The following DNER variants were observed in gnomAD, a reference collection of about 807,000 sequenced individuals.
DNER encodes the protein delta/notch like EGF repeat containing, also known as delta and Notch-like epidermal growth factor-related receptor.
A neutral mutation model predicts 78.2 loss-of-function variants in DNER; 33 were observed. The ratio of observed to expected loss-of-function variants is 0.42; its 90% CI spans 0.32 to 0.56. The LOEUF is 0.56. Among genes scored for constraint, DNER ranks in the 20% least tolerant of loss-of-function variants. The probability of loss-of-function intolerance (pLI) is 0.11; values close to 1 mark genes in which losing one functional copy is unlikely to be tolerated. For synonymous variants in DNER, 417 were observed against 384.8 expected, an observed-to-expected ratio of 1.08 and a Z score of -0.98; for missense variants, 918 against 975.3, an observed-to-expected ratio of 0.94 and a Z score of 0.78.
chr2:229,380,937 AAAAAT>A (rs1015914864), intron 11 of DNER, among the ~76,000 whole-genome samples: 5 of 152,056 alleles, frequency 3.3e-5, no homozygotes, highest in Non-Finnish European at 7.4e-5. Context: ...ATAAAAATAA[AAAAAT>A]AAAATAAAAT....
intron 8 of DNER, among the ~76,000 whole-genome samples, 187 bp from the exon 9 acceptor site, chr2:229,418,417 G>A (rs112405356): frequency 1.1e-3 from 168 of 152,254 alleles, no homozygotes; most frequent in African/African-American, 3.6e-3. Flanking sequence ...TGAAGAAAGC[G>A]CCTGTTCTTA....
At chr2:229,395,059 A>C (rs2106339069) in intron 10 of DNER, among the ~76,000 whole-genome samples, 2 of 152,214 alleles carry the variant, frequency 1.3e-5, no homozygotes, top group Middle Eastern at 3.4e-3. Context: ...GAACCGTAAG[A>C]GTTATAAGCA....
chr2:229,669,369 C>CATATATATATATATATAT (rs58371383), intron 1 of DNER, among the ~76,000 whole-genome samples: 323 of 144,694 alleles, frequency 2.2e-3, no homozygotes, highest in East Asian at 5.1e-3. Flanking sequence ...TGTATACATA[C>CATATATATATATATATAT]ATATATATAT....
At chr2:229,554,170 C>T (rs1696802223) in intron 4 of DNER, among the ~76,000 whole-genome samples, 1 of 152,118 alleles carries the variant, frequency 6.6e-6, no homozygotes. Context: ...ACTTAATGTC[C>T]CAGGGAGCAT....
intron 1 of DNER, among the ~76,000 whole-genome samples, chr2:229,599,113 G>A (rs967207055): frequency 1.3e-5 from 2 of 152,054 alleles, no homozygotes; most frequent in Admixed American, 1.3e-4. Flanking sequence ...GGGAACCACT[G>A]TCATTATATG....
In DNER at chr2:229,647,834, C is replaced by T. The variant is rs191342447; in HGVS notation, c.277-55946G>A. On this transcript the variant is annotated intron_variant, in intron 1 of 12. Coordinates refer to ENST00000341772, the MANE Select transcript of DNER (RefSeq NM_139072.4). Reference sequence around the variant, plus strand: ...GTATAAAATTGTATATGTAAATATACTTGAAATCTATGACATATTTGCATA... The same window carrying T: ...GTATAAAATTGTATATGTAAATATATTTGAAATCTATGACATATTTGCATA... 4.5e-4 allele frequency among the ~76,000 whole-genome samples: 68 copies of T among 152,174 alleles called. No homozygotes were observed. In the East Asian group the frequency reaches 0.011, roughly 24 times the overall value.
At chr2:229,589,929 G>A (rs1697570842) in intron 2 of DNER, among the ~76,000 whole-genome samples, 1 of 151,438 alleles carries the variant, frequency 6.6e-6, no homozygotes, top group Admixed American at 6.6e-5. Flanking sequence ...AAAAAAGTGG[G>A]TCAACTGGTG....
At chr2:229,686,850 T>C (rs932177066) in intron 1 of DNER, among the ~76,000 whole-genome samples, 5 of 152,236 alleles carry the variant, frequency 3.3e-5, no homozygotes, top group Admixed American at 3.3e-4. Flanking sequence ...GAGGAGTCTT[T>C]TGTGGACTTA....
intron 8 of DNER, among the ~76,000 whole-genome samples, chr2:229,420,071 T>G (rs1159524574): frequency 7.9e-5 from 12 of 151,706 alleles, no homozygotes; most frequent in Non-Finnish European, 2.9e-5. Context: ...CAGCAAACTA[T>G]GGCCCACAGA....
intron 1 of DNER, among the ~76,000 whole-genome samples, chr2:229,650,072 C>T (rs1220322916): frequency 1.1e-5 from 1 of 93,166 alleles, no homozygotes; most frequent in South Asian, 3.5e-4. Flanking sequence ...AAGACTCCGT[C>T]AAAAAAAAAA....
intron 1 of DNER, among the ~76,000 whole-genome samples, chr2:229,684,438 T>A (rs1699450721): frequency 6.6e-6 from 1 of 152,074 alleles, no homozygotes; most frequent in Non-Finnish European, 1.5e-5. Context: ...CTCTTCTCAC[T>A]ATACATGCTC....
intron 5 of DNER, among the ~76,000 whole-genome samples, chr2:229,523,936 T>A (rs1259116754): frequency 6.6e-6 from 1 of 152,256 alleles, no homozygotes; most frequent in Non-Finnish European, 1.5e-5. Context: ...ATGATCATCT[T>A]CACTGTGAAT....
intron 10 of DNER, among the ~76,000 whole-genome samples, chr2:229,400,035 T>A (rs1320654071): frequency 6.6e-6 from 1 of 152,004 alleles, no homozygotes; most frequent in Non-Finnish European, 1.5e-5. Context: ...GTTCATAAAG[T>A]TGTTTTCCAC....
chr2:229,523,816 T>C (rs779131239), intron 5 of DNER, among the ~76,000 whole-genome samples: 7 of 152,246 alleles, frequency 4.6e-5, no homozygotes, highest in Non-Finnish European at 7.3e-5. Context: ...CCTTGAACAA[T>C]TGCTGTCTGA....
At chr2:229,393,471 C>T (rs879706685) in intron 10 of DNER, among the ~76,000 whole-genome samples, 10 of 151,670 alleles carry the variant, frequency 6.6e-5, no homozygotes, top group Non-Finnish European at 1.3e-4. Context: ...TTAGACACTG[C>T]AGAAGAAAAT....
Position 229,683,208 on chromosome 2 carries a change from C to G in DNER, c.276+30940G>C, listed in dbSNP as rs150927131. Among the ~76,000 whole-genome samples, 301 of 152,246 alleles carry G rather than the reference C, an allele frequency of 2.0e-3. 4 individuals carry two copies. The highest frequency in any genetic ancestry group is 0.017 in the Admixed American group (265 of 15,288). ...TATGTAAGTCTCATGCCCCTACCCC[C>G]CTCTTAGATATATATTGTTACCCCA... is the stretch of plus-strand genomic sequence containing the variant. On this transcript the variant is annotated intron_variant, in intron 1 of 12. Transcript: ENST00000341772.
intron 1 of DNER, among the ~76,000 whole-genome samples, chr2:229,689,051 C>T (rs560135861): frequency 3.3e-5 from 5 of 152,226 alleles, no homozygotes; most frequent in African/African-American, 9.6e-5. Flanking sequence ...GGGCTTAATA[C>T]CTAGGGGATT....
chr2:229,404,927 A>C (rs112358679), intron 10 of DNER, among the ~76,000 whole-genome samples: 7,379 of 23,738 alleles, frequency 0.31, 222 homozygotes, highest in Middle Eastern at 0.5. Flanking sequence ...TCAATATGTA[A>C]TTATGGACTA....
intron 8 of DNER, among the ~76,000 whole-genome samples, chr2:229,446,114 C>T (rs1394170434): frequency 6.6e-6 from 1 of 152,180 alleles, no homozygotes; most frequent in Non-Finnish European, 1.5e-5. Context: ...GGGTGTGTAG[C>T]CACAGGCACA....
Sources: allele counts gnomAD v4.1 joint callset (sites outside exome capture counted in the v4.1 genomes callset), GRCh38; gene constraint gnomAD v4.1.1; transcripts MANE v1.5; gene names NCBI Gene and HGNC (gene_info 2026-07-23, HGNC 2026-07-21).